ITPR1: variants seen among roughly 807,000 people sequenced by gnomAD.
ITPR1 encodes the protein inositol 1,4,5-trisphosphate-gated calcium channel ITPR1.
A neutral mutation model predicts 318.4 loss-of-function variants in ITPR1; 96 were observed. That is an observed-to-expected ratio of 0.30 (90% CI 0.26 to 0.36). The LOEUF is 0.36. Ranked by LOEUF, ITPR1 falls within the 10% of genes least tolerant of loss-of-function variation. The probability of loss-of-function intolerance (pLI) is 1.00; values close to 1 mark genes in which losing one functional copy is unlikely to be tolerated. For synonymous variants in ITPR1, 1,312 were observed against 1,289.9 expected, an observed-to-expected ratio of 1.02 and a Z score of -0.37; for missense variants, 2,440 against 3,460.2, an observed-to-expected ratio of 0.71 and a Z score of 7.40.
chr3:4,775,238 G>C lies in ITPR1; in HGVS notation c.5980-4G>C, dbSNP rs769545508. On this transcript the variant is annotated splice_polypyrimidine_tract_variant and splice_region_variant and intron_variant, in intron 46 of 61. Transcript: ENST00000649015. ...CACCGAACCTGGGGACTACCCAATTGCAGAACTTCCTCCGTTGCCAAAATA... is the reference window on the plus strand; with the variant it reads ...CACCGAACCTGGGGACTACCCAATTCCAGAACTTCCTCCGTTGCCAAAATA... 5 of 1,612,448 alleles carry C rather than the reference G, an allele frequency of 3.1e-6. No individual in the cohort carries two copies. In the South Asian group the frequency reaches 5.5e-5, roughly 18 times the overall value.
intron 4 of ITPR1, among the ~76,000 whole-genome samples, chr3:4,599,695 C>G (rs2091122072): frequency 6.6e-6 from 1 of 152,192 alleles, no homozygotes; most frequent in South Asian, 2.1e-4. Flanking sequence ...TTGGTTGCAG[C>G]AAGCCTTCCC....
chr3:4,770,879 A>G (rs938946601), intron 46 of ITPR1, among the ~76,000 whole-genome samples: 3 of 151,926 alleles, frequency 2.0e-5, no homozygotes, highest in African/African-American at 7.3e-5. Flanking sequence ...TCCACCCTCC[A>G]CCTTCCATAA....
rs770419056 is a variant in ITPR1 at position 4,717,352 on chromosome 3, T to A, written c.5104-15T>A. 2.5e-6 allele frequency: 4 copies of A among 1,586,324 alleles called. No individual in the cohort carries two copies. The highest frequency in any genetic ancestry group is 3.4e-6 in the Non-Finnish European group (4 of 1,168,138). The stretch of plus-strand genomic sequence containing the variant: ...AACATTTCCTTCTCTCTCTCTCCCC[T>A]TTTTTCTTTTCCAGCTAATTTCCAT... On this transcript the variant is annotated splice_polypyrimidine_tract_variant and intron_variant, in intron 39 of 61. Coordinates refer to ENST00000649015, the MANE Select transcript of ITPR1 (RefSeq NM_001378452.1).
chr3:4,631,958 T>C (rs2093028981), intron 5 of ITPR1, among the ~76,000 whole-genome samples: 1 of 152,186 alleles, frequency 6.6e-6, no homozygotes, highest in Non-Finnish European at 1.5e-5. Flanking sequence ...AGCCGACAGA[T>C]AACTTTTTAA....
Position 4,675,053 on chromosome 3 carries a change from A to G in ITPR1, c.2599-15A>G. The G allele has an allele frequency of 7.0e-7, 1 of 1,423,162 alleles. No individual in the cohort carries two copies. The highest frequency in any genetic ancestry group is 9.9e-7 in the Non-Finnish European group (1 of 1,012,740). The allele number at this position is 1,423,162 out of a possible 1,614,324, so 88.2% of individuals were successfully genotyped here. Reference sequence around the variant, plus strand: ...TTATGTAATACCGTCTTCTTCTTTTATTTTAATACAATAGGTTGTAAATTT... The same window carrying G: ...TTATGTAATACCGTCTTCTTCTTTTGTTTTAATACAATAGGTTGTAAATTT... On this transcript the variant is annotated splice_polypyrimidine_tract_variant and intron_variant, in intron 22 of 61. Transcript: ENST00000649015.
At chr3:4,519,094 G>A (rs1043107337) in intron 3 of ITPR1, among the ~76,000 whole-genome samples, 8 of 152,140 alleles carry the variant, frequency 5.3e-5, no homozygotes, top group Admixed American at 2.0e-4. Flanking sequence ...AACTGAGACC[G>A]GTAGGGGTAA....
chr3:4,690,980 A>G (rs894902678), intron 31 of ITPR1, among the ~76,000 whole-genome samples, 164 bp from the exon 32 acceptor site: 12 of 151,668 alleles, frequency 7.9e-5, no homozygotes, highest in Non-Finnish European at 1.6e-4. Flanking sequence ...AAAGCTTACT[A>G]AAAAAGAAGG....
intron 60 of ITPR1, among the ~76,000 whole-genome samples, chr3:4,821,829 A>T (rs941855177): frequency 6.6e-6 from 1 of 152,122 alleles, no homozygotes; most frequent in Admixed American, 6.5e-5. Flanking sequence ...GGGACCACGT[A>T]AAGAAGCTCT....
intron 4 of ITPR1, among the ~76,000 whole-genome samples, chr3:4,554,926 A>G (rs1268804408): frequency 6.6e-6 from 1 of 152,200 alleles, no homozygotes; most frequent in Non-Finnish European, 1.5e-5. Flanking sequence ...GGATAAGGCA[A>G]TTATCTTCTC....
In ITPR1 at chr3:4,516,472, C is replaced by G. The variant is rs528083247; in HGVS notation, c.-16-4C>G. 7.0e-7 allele frequency: 1 copy of G among 1,426,654 alleles called. No individual in the cohort carries two copies. The highest frequency in any genetic ancestry group is 1.5e-5 in the African/African-American group (1 of 68,900). 88.4% of individuals were successfully genotyped at this position (1,426,654 alleles called of 1,614,324 possible). A position where few individuals can be genotyped will look rare whatever the true frequency, so the allele number is the denominator to read the frequency against. ...AACAATGCTGCATATTTTACTTTGTCTAGGATTTTCAAGAAAGACATGTCT... is the reference window on the plus strand; with the variant it reads ...AACAATGCTGCATATTTTACTTTGTGTAGGATTTTCAAGAAAGACATGTCT... On this transcript the variant is annotated splice_polypyrimidine_tract_variant and splice_region_variant and intron_variant, in intron 2 of 61. Transcript: ENST00000649015.
chr3:4,668,595 G>A (rs960033627), intron 18 of ITPR1, among the ~76,000 whole-genome samples: 1 of 152,054 alleles, frequency 6.6e-6, no homozygotes, highest in East Asian at 1.9e-4. Flanking sequence ...AGGCTCCCCA[G>A]TAGCTGCGAC....
intron 4 of ITPR1, among the ~76,000 whole-genome samples, chr3:4,535,426 CTTTTTTTTTTTTTTAATTTT>C (rs1485073274): frequency 6.2e-5 from 7 of 112,268 alleles, no homozygotes; most frequent in Non-Finnish European, 1.4e-4. Flanking sequence ...AAATTATTTT[CTTTTTTTTTTTTTTAATTTT>C]TTTTTTTTTT....
intron 4 of ITPR1, among the ~76,000 whole-genome samples, chr3:4,574,969 C>A (rs2088472580): frequency 6.6e-6 from 1 of 152,196 alleles, no homozygotes; most frequent in African/African-American, 2.4e-5. Context: ...CTCCCTGAGG[C>A]CCTCCTAGAG....
chr3:4,675,263 G>T lies in ITPR1; in HGVS notation c.2779+15G>T. 1 of 1,594,698 alleles carries T rather than the reference G, an allele frequency of 6.3e-7. No homozygotes were observed. The highest frequency in any genetic ancestry group is 8.5e-7 in the Non-Finnish European group (1 of 1,169,920). On this transcript the variant is annotated intron_variant, in intron 23 of 61. Transcript: ENST00000649015. ...GAAGCTGAAGAGTGAGTATCTGAGG[G>T]TGCCCATACATCTGAGAGATGCCCT... is the stretch of plus-strand genomic sequence containing the variant.
chr3:4,777,505 G>T (rs889448426), intron 48 of ITPR1, 131 bp downstream of exon 48: 1 of 630,808 alleles, frequency 1.6e-6, no homozygotes, highest in Admixed American at 2.2e-5. Context: ...GAATGACCCA[G>T]GTTGCTAGTG....
In ITPR1 at chr3:4,826,457, A is replaced by G. The variant is rs777585077; in HGVS notation, c.8028+8215A>G. On this transcript the variant is annotated intron_variant, in intron 60 of 61. Coordinates refer to ENST00000649015, the MANE Select transcript of ITPR1 (RefSeq NM_001378452.1). This position sits in a 1 kb window ranked among gnomAD's most constrained non-coding sequence, Gnocchi z 4.2. ...CTGGCACCACGGCAGAGTCAAGAATATCGGAGCAGGGAGGAGTGAAGAGGG... is the reference window on the plus strand; with the variant it reads ...CTGGCACCACGGCAGAGTCAAGAATGTCGGAGCAGGGAGGAGTGAAGAGGG... 5.9e-5 allele frequency among the ~76,000 whole-genome samples: 9 copies of G among 152,152 alleles called. No individual in the cohort carries two copies. The highest frequency in any genetic ancestry group is 1.2e-4 in the Non-Finnish European group (8 of 68,024).
chr3:4,722,477 AC>A (rs147734316), intron 40 of ITPR1, among the ~76,000 whole-genome samples: 2,048 of 152,286 alleles, frequency 0.013, 55 homozygotes, highest in African/African-American at 0.044. Flanking sequence ...CATGTAAAAA[AC>A]GTGACAATAA....
In ITPR1 at chr3:4,730,216, T is replaced by A. The variant is rs1179259407; in HGVS notation, c.5221-2872T>A. Among the ~76,000 whole-genome samples, 16 of 116,926 alleles carry A rather than the reference T, an allele frequency of 1.4e-4. 1 individual carries two copies. Among genetic ancestry groups the A allele is most frequent in the Non-Finnish European group, 9.2e-5 (5 of 54,430 alleles). The allele number at this position is 116,926 out of a possible 152,430, so 76.7% of individuals were successfully genotyped here. A position where few individuals can be genotyped will look rare whatever the true frequency, so the allele number is the denominator to read the frequency against. Reference sequence around the variant, plus strand: ...TCAAAAAAGGAATGAATCTCATCTTTAAAAAAAAAAAAAACAAAAAAAAAC... The same window carrying A: ...TCAAAAAAGGAATGAATCTCATCTTAAAAAAAAAAAAAAACAAAAAAAAAC... On this transcript the variant is annotated intron_variant, in intron 42 of 61. Transcript: ENST00000649015.
intron 4 of ITPR1, among the ~76,000 whole-genome samples, chr3:4,582,735 A>AT (rs141853151): frequency 0.054 from 8,144 of 152,212 alleles, 305 homozygotes; most frequent in Middle Eastern, 0.082. Context: ...CATCTGTTAG[A>AT]TTTTTTCTGG....
Sources: allele counts gnomAD v4.1 joint callset (sites outside exome capture counted in the v4.1 genomes callset), GRCh38; gene constraint gnomAD v4.1.1; non-coding constraint Gnocchi (gnomAD v3.1); transcripts MANE v1.5; gene names NCBI Gene and HGNC (gene_info 2026-07-23, HGNC 2026-07-21).